EPHB1: variants seen among roughly 807,000 people sequenced by gnomAD.
EPHB1 encodes ephrin type-B receptor 1.
EPHB1 carries 30 observed loss-of-function variants against 94.4 expected under a neutral mutation model. The ratio of observed to expected loss-of-function variants is 0.32; its 90% confidence interval spans 0.24 to 0.43. EPHB1 has a LOEUF of 0.43. Ranked by LOEUF, EPHB1 falls within the 20% of genes least tolerant of loss-of-function variation. EPHB1 has a pLI of 1.00. For synonymous variants in EPHB1, 522 were observed against 489.1 expected (o/e 1.07, Z -0.89); for missense variants, 1,055 against 1,308.3 (o/e 0.81, Z 2.99).
intron 1 of EPHB1, among the ~76,000 whole-genome samples, chr3:134,807,873 C>T (rs113032069): frequency 1.1e-4 from 16 of 152,256 alleles, no homozygotes; most frequent in Admixed American, 2.6e-4. Context: ...AGCTCCCTGA[C>T]GGAAATGAGA....
chr3:134,897,684 G>A (rs1010376080), intron 1 of EPHB1, among the ~76,000 whole-genome samples: 5 of 152,128 alleles, frequency 3.3e-5, no homozygotes, highest in African/African-American at 1.2e-4. Flanking sequence ...TGGATGAATG[G>A]CCACTTCTCC....
chr3:135,187,747 A>G (rs1942362625), intron 10 of EPHB1, among the ~76,000 whole-genome samples: 1 of 152,182 alleles, frequency 6.6e-6, no homozygotes, highest in African/African-American at 2.4e-5. Context: ...CCTGGCAGGG[A>G]AACTTCACCA....
chr3:134,996,631 G>A (rs1442761126), intron 3 of EPHB1, among the ~76,000 whole-genome samples: 1 of 152,160 alleles, frequency 6.6e-6, no homozygotes, highest in Non-Finnish European at 1.5e-5. Flanking sequence ...AGCTGCCCAT[G>A]AGAGTGACTG....
chr3:135,202,926 T>A (rs1325883637), intron 12 of EPHB1, among the ~76,000 whole-genome samples: 2 of 152,168 alleles, frequency 1.3e-5, no homozygotes, highest in African/African-American at 4.8e-5. Flanking sequence ...CACATGTATG[T>A]TTTTTGCAGC....
At position 135,259,220 on chromosome 3, in the gene EPHB1, C is replaced by T; in HGVS notation, c.*100C>T. 1.1e-6 allele frequency: 1 copy of T among 892,520 alleles called. No individual in the cohort carries two copies. The highest frequency in any genetic ancestry group is 1.7e-5 in the South Asian group (1 of 59,996). 55.3% of individuals were successfully genotyped at this position (892,520 alleles called of 1,614,324 possible). A position where few individuals can be genotyped will look rare whatever the true frequency, so the allele number is the denominator to read the frequency against. On this transcript the variant is annotated 3_prime_UTR_variant, in exon 16 of 16. Transcript: ENST00000398015. ...GAATGTACTGGAGAGACTGGCTTCT[C>T]AGCTGAGGAATGCATTTCCATCAGT... is the stretch of plus-strand genomic sequence containing the variant.
intron 3 of EPHB1, among the ~76,000 whole-genome samples, chr3:134,972,596 G>A (rs1282654478): frequency 2.1e-5 from 3 of 144,652 alleles, no homozygotes; most frequent in South Asian, 4.3e-4. Flanking sequence ...TATTAAAGAG[G>A]TAATGTCAAA....
chr3:134,838,588 G>T (rs1315255310), intron 1 of EPHB1, among the ~76,000 whole-genome samples: 1 of 152,052 alleles, frequency 6.6e-6, no homozygotes, highest in Admixed American at 6.6e-5. Context: ...ATTCTCTCAT[G>T]CTATGCTCAA....
chr3:134,875,895 C>T (rs1366815618), intron 1 of EPHB1, among the ~76,000 whole-genome samples: 1 of 152,178 alleles, frequency 6.6e-6, no homozygotes, highest in East Asian at 1.9e-4. Context: ...CACCTGACAT[C>T]CCGTGAGCCA....
chr3:135,032,920 C>T (rs1936526802), intron 3 of EPHB1, among the ~76,000 whole-genome samples: 3 of 152,150 alleles, frequency 2.0e-5, no homozygotes, highest in African/African-American at 7.2e-5. Flanking sequence ...AAAATGTGTA[C>T]AGACCTCTTG....
At chr3:135,021,589 T>C (rs1261747198) in intron 3 of EPHB1, among the ~76,000 whole-genome samples, 1 of 152,092 alleles carries the variant, frequency 6.6e-6, no homozygotes, top group East Asian at 1.9e-4. Flanking sequence ...TTTCTATGTC[T>C]TTAATCATAC....
chr3:135,000,562 TGCAAA>T (rs1197081186), intron 3 of EPHB1, among the ~76,000 whole-genome samples: 1 of 152,170 alleles, frequency 6.6e-6, no homozygotes, highest in Non-Finnish European at 1.5e-5. Flanking sequence ...TAATTAATCA[TGCAAA>T]AATAACGCAA....
At chr3:135,125,157 TCTGTCC>T (rs1940148295) in intron 4 of EPHB1, among the ~76,000 whole-genome samples, 2 of 151,742 alleles carry the variant, frequency 1.3e-5, no homozygotes, top group South Asian at 4.1e-4. Context: ...TACTTACCAG[TCTGTCC>T]ACTTTGGTGC....
chr3:135,053,637 G>A (rs1342837190), intron 3 of EPHB1, among the ~76,000 whole-genome samples: 1 of 152,148 alleles, frequency 6.6e-6, no homozygotes, highest in African/African-American at 2.4e-5. Context: ...TGACATAGCA[G>A]TCATGTTGAT....
intron 9 of EPHB1, among the ~76,000 whole-genome samples, chr3:135,172,121 G>C (rs926229980): frequency 6.6e-6 from 1 of 152,204 alleles, no homozygotes; most frequent in Non-Finnish European, 1.5e-5. Context: ...TGTCTGCAAA[G>C]TAGCTGTCCA....
At chr3:134,960,433 C>G (rs1933470267) in intron 3 of EPHB1, among the ~76,000 whole-genome samples, 1 of 152,134 alleles carries the variant, frequency 6.6e-6, no homozygotes. Context: ...GGCAGTTGAG[C>G]CCCCATTTTT....
chr3:134,995,247 A>T (rs997635290), intron 3 of EPHB1, among the ~76,000 whole-genome samples: 10 of 152,190 alleles, frequency 6.6e-5, no homozygotes, highest in African/African-American at 2.4e-4. Context: ...ACCTTCAGGG[A>T]TGGGCTTTTT....
intron 3 of EPHB1, among the ~76,000 whole-genome samples, chr3:134,972,871 T>A (rs1463183463): frequency 2.0e-5 from 3 of 152,162 alleles, no homozygotes; most frequent in Non-Finnish European, 2.9e-5. Flanking sequence ...CAAATGGCCG[T>A]CCTGCCTTGC....
At chr3:135,187,008 TGGGAAA>T (rs1314284011) in intron 10 of EPHB1, among the ~76,000 whole-genome samples, 2 of 152,188 alleles carry the variant, frequency 1.3e-5, no homozygotes, top group Non-Finnish European at 2.9e-5. Context: ...AGGTGGGTTT[TGGGAAA>T]GTGCATTTTC....
intron 4 of EPHB1, among the ~76,000 whole-genome samples, chr3:135,112,271 G>T (rs887561925): frequency 2.6e-5 from 4 of 152,240 alleles, no homozygotes; most frequent in African/African-American, 9.6e-5. Flanking sequence ...GGCTGCTGCT[G>T]CAGGGAGGAG....
Sources: allele counts gnomAD v4.1 joint callset (sites outside exome capture counted in the v4.1 genomes callset), GRCh38; gene constraint gnomAD v4.1.1; transcripts MANE v1.5; gene names NCBI Gene and HGNC (gene_info 2026-07-23, HGNC 2026-07-21).